Variants in NAALADL2 observed in about 807,000 individuals in gnomAD.
NAALADL2 encodes inactive N-acetylated-alpha-linked acidic dipeptidase-like protein 2.
NAALADL2 carries 76 observed loss-of-function variants against 87.2 expected under a neutral mutation model. That is an observed-to-expected ratio of 0.87 (90% CI 0.72 to 1.05). The LOEUF (loss-of-function observed/expected upper bound fraction) is 1.05. Ranked by LOEUF, NAALADL2 falls within the 50% of genes least tolerant of loss-of-function variation. NAALADL2 has a pLI of 0.00. For synonymous variants in NAALADL2, 354 were observed against 331.0 expected (o/e 1.07, Z -0.75); for missense variants, 1,089 against 945.8 (o/e 1.15, Z -1.99).
chr3:175,032,857 A>T (rs1752958572), intron 1 of NAALADL2, among the ~76,000 whole-genome samples: 1 of 151,804 alleles, frequency 6.6e-6, no homozygotes, highest in Non-Finnish European at 1.5e-5. Flanking sequence ...AAGTGGATGG[A>T]GTTTTATTTT....
At chr3:175,722,261 G>T (rs1742339607) in intron 11 of NAALADL2, among the ~76,000 whole-genome samples, 1 of 152,182 alleles carries the variant, frequency 6.6e-6, no homozygotes, top group East Asian at 1.9e-4. Context: ...TATCTAAAAT[G>T]TTTGACCTTT....
At chr3:174,637,747 C>A (rs992475725) in intron 2 of NAALADL2, among the ~76,000 whole-genome samples, 1 of 151,970 alleles carries the variant, frequency 6.6e-6, no homozygotes, top group Admixed American at 6.6e-5. Context: ...CAAAACGGTA[C>A]ATTTATTTTG....
At chr3:174,896,445 C>A (rs1731542632) in intron 1 of NAALADL2, among the ~76,000 whole-genome samples, 1 of 151,662 alleles carries the variant, frequency 6.6e-6, no homozygotes, top group Non-Finnish European at 1.5e-5. Context: ...AAGGTAAATA[C>A]CTAGGAATTA....
chr3:174,797,305 C>CTTTTTTTTTTTTTTTT (rs1160338109), intron 3 of NAALADL2, among the ~76,000 whole-genome samples: 20 of 72,712 alleles, frequency 2.8e-4, no homozygotes, highest in African/African-American at 1.1e-3. Context: ...TTTCTTTTTT[C>CTTTTTTTTTTTTTTTT]TTTTTTTTTT....
At chr3:174,771,349 A>G (rs577836098) in intron 3 of NAALADL2, among the ~76,000 whole-genome samples, 1 of 152,206 alleles carries the variant, frequency 6.6e-6, no homozygotes, top group Non-Finnish European at 1.5e-5. Flanking sequence ...ACAGAAGTAT[A>G]TATTGATAGA....
chr3:175,755,447 T>G (rs754402341), intron 13 of NAALADL2, 29 bp downstream of exon 13: 94 of 1,501,736 alleles, frequency 6.3e-5, no homozygotes, highest in Middle Eastern at 5.1e-4. Flanking sequence ...AAATTATACT[T>G]TTTGCCCTAC....
intron 2 of NAALADL2, among the ~76,000 whole-genome samples, chr3:175,177,583 A>C (rs539350213): frequency 6.6e-6 from 1 of 152,128 alleles, no homozygotes; most frequent in Non-Finnish European, 1.5e-5. Context: ...AGCAATGGAA[A>C]TAAATATACT....
chr3:175,133,251 C>T (rs1330058622), intron 2 of NAALADL2, among the ~76,000 whole-genome samples: 1 of 151,402 alleles, frequency 6.6e-6, no homozygotes, highest in Non-Finnish European at 1.5e-5. Context: ...GGCAGCCAGG[C>T]AGAGGGGCTC....
chr3:175,784,008 T>C (rs1382942887), intron 13 of NAALADL2, among the ~76,000 whole-genome samples: 2 of 145,184 alleles, frequency 1.4e-5, no homozygotes, highest in Admixed American at 1.4e-4. Context: ...ATTACATTTA[T>C]TGATTTGTGT....
chr3:175,533,324 AG>A (rs1279128878), intron 9 of NAALADL2, among the ~76,000 whole-genome samples: 1 of 152,184 alleles, frequency 6.6e-6, no homozygotes, highest in Non-Finnish European at 1.5e-5. Context: ...CCTTGCCCCT[AG>A]GGGCCCACTG....
At chr3:175,340,165 A>G (rs992122773) in intron 5 of NAALADL2, among the ~76,000 whole-genome samples, 1 of 152,204 alleles carries the variant, frequency 6.6e-6, no homozygotes, top group Non-Finnish European at 1.5e-5. Flanking sequence ...AGCAGGTTGT[A>G]TAAGTCATAG....
intron 5 of NAALADL2, among the ~76,000 whole-genome samples, chr3:175,411,610 TAGAG>T (rs761216214): frequency 4.6e-5 from 7 of 152,068 alleles, no homozygotes; most frequent in Non-Finnish European, 1.0e-4. Context: ...CTTGTAATCA[TAGAG>T]AGTGATTCAT....
chr3:175,639,058 AC>A (rs1728920431), intron 11 of NAALADL2, among the ~76,000 whole-genome samples: 1 of 152,118 alleles, frequency 6.6e-6, no homozygotes, highest in Non-Finnish European at 1.5e-5. Flanking sequence ...GATATGTTTT[AC>A]TATATAAGTG....
At chr3:174,953,259 G>A (rs1361981936) in intron 1 of NAALADL2, among the ~76,000 whole-genome samples, 2 of 138,158 alleles carry the variant, frequency 1.4e-5, no homozygotes, top group African/African-American at 5.4e-5. Flanking sequence ...TATTCAGGAA[G>A]CAAAAACCAG....
At chr3:175,525,380 C>G (rs1484584528) in intron 9 of NAALADL2, among the ~76,000 whole-genome samples, 2 of 152,238 alleles carry the variant, frequency 1.3e-5, no homozygotes, top group Non-Finnish European at 2.9e-5. Flanking sequence ...TCCCATTTCT[C>G]CACTCACTGT....
chr3:174,617,082 G>C (rs937389389), intron 2 of NAALADL2, among the ~76,000 whole-genome samples: 1 of 151,708 alleles, frequency 6.6e-6, no homozygotes, highest in Non-Finnish European at 1.5e-5. Flanking sequence ...ATACCCTGCT[G>C]CGACACAGGA....
intron 1 of NAALADL2, among the ~76,000 whole-genome samples, chr3:175,008,057 A>C (rs182418798): frequency 1.3e-5 from 2 of 152,096 alleles, no homozygotes; most frequent in African/African-American, 4.8e-5. Context: ...TCATTACACT[A>C]TTCAGAATAA....
intron 2 of NAALADL2, among the ~76,000 whole-genome samples, chr3:175,221,955 G>T (rs1213519816): frequency 6.6e-6 from 1 of 151,654 alleles, no homozygotes; most frequent in East Asian, 1.9e-4. Flanking sequence ...TTGTGTGTGT[G>T]TATTTTAGTA....
At chr3:174,661,457 A>T (rs1187506014) in intron 2 of NAALADL2, among the ~76,000 whole-genome samples, 1 of 152,170 alleles carries the variant, frequency 6.6e-6, no homozygotes, top group South Asian at 2.1e-4. Context: ...TTTTTACTAT[A>T]GTTACTTAGA....
Sources: gnomAD v4.1 joint callset for allele counts (sites outside exome capture counted in the v4.1 genomes callset) on GRCh38, gnomAD v4.1.1 for gene constraint, MANE v1.5 for transcripts, NCBI Gene and HGNC (gene_info 2026-07-23, HGNC 2026-07-21) for gene names.